PHF24: variants seen among roughly 807,000 people sequenced by gnomAD.
PHF24 encodes the protein PHD finger protein 24.
Under a neutral mutation model 42.6 loss-of-function variants are expected in PHF24, and 25 were observed. The observed-to-expected ratio is 0.59, with a 90% CI of 0.43 to 0.82. The LOEUF (loss-of-function observed/expected upper bound fraction) is 0.82, where lower values mean the gene tolerates loss of function less well. Ranked by LOEUF, PHF24 falls within the 40% of genes least tolerant of loss-of-function variation. The probability of loss-of-function intolerance (pLI) is 0.00; values close to 1 mark genes in which losing one functional copy is unlikely to be tolerated. For synonymous variants in PHF24, 185 were observed against 204.8 expected, an observed-to-expected ratio of 0.90 and a Z score of 0.83; for missense variants, 470 against 538.1, an observed-to-expected ratio of 0.87 and a Z score of 1.25.
At chr9:34,971,587 A>G (rs774416026) in exon 2 of PHF24, 3 of 1,614,080 alleles carry the variant, frequency 1.9e-6, no homozygotes, top group Non-Finnish European at 8.5e-7. Context: ...TGACAGGACA[A>G]GTCGATTCAC....
exon 8 of PHF24, chr9:34,982,505 T>C (rs1322445662): frequency 1.3e-5 from 2 of 152,228 alleles, no homozygotes; most frequent in Non-Finnish European, 2.9e-5. Flanking sequence ...GCCCTGAGGC[T>C]GGGCACAGTG....
the PHF24 span, among the ~76,000 whole-genome samples, chr9:34,911,673 GC>G: frequency 3.3e-5 from 5 of 150,480 alleles, no homozygotes; most frequent in East Asian, 1.0e-3. Context: ...GTTAATTCAA[GC>G]CTGCTATGTG....
chr9:34,691,753 A>C, the PHF24 span, among the ~76,000 whole-genome samples: 1 of 152,166 alleles, frequency 6.6e-6, no homozygotes, highest in South Asian at 2.1e-4. Context: ...GTGCCTGCCC[A>C]CTATGTGGGA....
At chr9:34,706,766 G>C in the PHF24 span, among the ~76,000 whole-genome samples, 1 of 152,126 alleles carries the variant, frequency 6.6e-6, no homozygotes, top group African/African-American at 2.4e-5. Context: ...AGTTTTGGCA[G>C]GGCTGGGAGT....
At chr9:34,689,576 G>T in the PHF24 span, 2 of 518,374 alleles carry the variant, frequency 3.9e-6, no homozygotes, top group Non-Finnish European at 6.9e-6. This position sits in a 1 kb window ranked among gnomAD's most constrained non-coding sequence, Gnocchi z 4.1. Context: ...TCAATTAGTT[G>T]TAAACACCAG....
the PHF24 span, among the ~76,000 whole-genome samples, chr9:34,874,480 A>G: frequency 2.0e-5 from 3 of 152,168 alleles, no homozygotes; most frequent in African/African-American, 7.2e-5. Context: ...CTGCCTGCCC[A>G]GGATCTAACC....
At chr9:34,694,729 A>G in the PHF24 span, among the ~76,000 whole-genome samples, 18 of 152,102 alleles carry the variant, frequency 1.2e-4, no homozygotes, top group Non-Finnish European at 2.5e-4. Context: ...TCGGCCTCCC[A>G]AAGTGCTGGG....
chr9:34,937,092 G>T, the PHF24 span, among the ~76,000 whole-genome samples: 1 of 150,028 alleles, frequency 6.7e-6, no homozygotes, highest in Non-Finnish European at 1.5e-5. Context: ...TGCCCCGGCC[G>T]CCCCTACTGG....
At chr9:34,723,602 T>C in the PHF24 span, 3 of 1,551,658 alleles carry the variant, frequency 1.9e-6, no homozygotes, top group African/African-American at 4.1e-5. Flanking sequence ...TTTAATTTTA[T>C]TTCTGAAGCT....
chr9:34,697,987 G>T, the PHF24 span, among the ~76,000 whole-genome samples: 1 of 152,156 alleles, frequency 6.6e-6, no homozygotes, highest in East Asian at 1.9e-4. Context: ...AATCTGTAGG[G>T]ATGAGTGGTA....
At chr9:34,770,267 C>G in the PHF24 span, among the ~76,000 whole-genome samples, 1 of 152,012 alleles carries the variant, frequency 6.6e-6, no homozygotes, top group Non-Finnish European at 1.5e-5. Context: ...CTAATGACCC[C>G]TAAAGACATG....
the PHF24 span, among the ~76,000 whole-genome samples, chr9:34,713,365 G>T: frequency 0.23 from 34,765 of 152,012 alleles, 4,760 homozygotes; most frequent in African/African-American, 0.38. Flanking sequence ...GGAGGACAGG[G>T]TTCCCCCTGC....
rs766286623 is a variant in PHF24 at position 34,976,588 on chromosome 9, C to T, written c.697C>T (p.Arg233Trp). ...GCGTTACCGCCACCAAGCAGCCAAG[C>T]GGGGGGACCGTGACAGGGCCCTGAG... Residue 233 changes from arginine (R) to tryptophan (W), a missense_variant, in exon 5 of 8, where the codon CGG becomes TGG. By Grantham distance (101) the Arg-to-Trp change is moderately radical. Coordinates refer to ENST00000242315, the Ensembl canonical transcript of PHF24. The T allele has an allele frequency of 6.2e-6, 10 of 1,613,996 alleles. No homozygotes were observed. The highest frequency in any genetic ancestry group is 1.6e-4 in the Middle Eastern group (1 of 6,076).
the PHF24 span, among the ~76,000 whole-genome samples, chr9:34,898,388 CA>C: frequency 1.3e-5 from 2 of 152,088 alleles, no homozygotes; most frequent in Non-Finnish European, 2.9e-5. Flanking sequence ...AAGGCGGTAT[CA>C]CATTGCGGTT....
At chr9:34,887,617 C>A in the PHF24 span, among the ~76,000 whole-genome samples, 4 of 152,202 alleles carry the variant, frequency 2.6e-5, no homozygotes, top group Non-Finnish European at 5.9e-5. Flanking sequence ...TCGCTTATCA[C>A]CCTCAAGTCC....
At chr9:34,724,728 G>T in the PHF24 span, 2 of 1,551,646 alleles carry the variant, frequency 1.3e-6, no homozygotes, top group East Asian at 2.4e-5. Flanking sequence ...CATGGCCCAA[G>T]ACTTATACAC....
the PHF24 span, among the ~76,000 whole-genome samples, chr9:34,849,466 C>G: frequency 6.6e-6 from 1 of 151,814 alleles, no homozygotes; most frequent in African/African-American, 2.4e-5. Flanking sequence ...AGATCTTCCT[C>G]CATCCTTTTA....
At chr9:34,798,561 C>T in the PHF24 span, among the ~76,000 whole-genome samples, 2 of 152,292 alleles carry the variant, frequency 1.3e-5, no homozygotes, top group South Asian at 4.1e-4. Context: ...TTTTTTATGG[C>T]TGCAGGGTAT....
the PHF24 span, among the ~76,000 whole-genome samples, chr9:34,870,391 A>C: frequency 6.6e-6 from 1 of 151,456 alleles, no homozygotes; most frequent in Non-Finnish European, 1.5e-5. Context: ...CACTGCCCAG[A>C]AAAAAAAATT....
Sources: allele counts gnomAD v4.1 joint callset (sites outside exome capture counted in the v4.1 genomes callset), GRCh38; gene constraint gnomAD v4.1.1; non-coding constraint Gnocchi (gnomAD v3.1); transcripts MANE v1.5; gene names NCBI Gene and HGNC (gene_info 2026-07-23, HGNC 2026-07-21).